The following PCDHGA9 variants were observed in gnomAD, a reference collection of about 807,000 sequenced individuals.
PCDHGA9 encodes protocadherin gamma-A9.
PCDHGA9 carries 37 observed loss-of-function variants against 62.5 expected under a neutral mutation model. The observed-to-expected ratio is 0.59, with a 90% CI of 0.46 to 0.78. PCDHGA9 has a LOEUF of 0.78. PCDHGA9 is among the 30% of genes least tolerant of loss of function. The probability of loss-of-function intolerance (pLI) is 0.00; values close to 1 mark genes in which losing one functional copy is unlikely to be tolerated. For missense variants in PCDHGA9, 1,138 were observed against 1,166.2 expected (o/e 0.98, Z 0.35); for synonymous variants, 459 against 484.6 (o/e 0.95, Z 0.69).
intron 1 of PCDHGA9, among the ~76,000 whole-genome samples, chr5:141,455,291 A>G (rs1212745731): frequency 6.6e-6 from 1 of 152,072 alleles, no homozygotes; most frequent in Non-Finnish European, 1.5e-5. Flanking sequence ...CACTTTACAT[A>G]GTTTCATCTT....
chr5:141,476,446 G>A lies in PCDHGA9; in HGVS notation c.2425-18361G>A. On this transcript the variant is annotated intron_variant, in intron 1 of 3. Transcript: ENST00000573521. This position sits in a 1 kb window ranked among gnomAD's most constrained non-coding sequence, Gnocchi z 7.6. Reference sequence around the variant, plus strand: ...CCTCTTGCACTGTAACTCTGGAGTTGGTAGTGGAGAACCCGCTGGAGCTGT... The same window carrying A: ...CCTCTTGCACTGTAACTCTGGAGTTAGTAGTGGAGAACCCGCTGGAGCTGT... 6.2e-7 allele frequency: 1 copy of A among 1,614,144 alleles called. No homozygotes were observed. Among genetic ancestry groups the A allele is most frequent in the South Asian group, 1.1e-5 (1 of 91,072 alleles).
At chr5:141,499,013 GA>G (rs2099788463) in intron 2 of PCDHGA9, among the ~76,000 whole-genome samples, 1 of 144,746 alleles carries the variant, frequency 6.9e-6, no homozygotes, top group Non-Finnish European at 1.5e-5. Context: ...AGGAAGGAAG[GA>G]AGGAAGGAAG....
At chr5:141,428,358 G>A in intron 1 of PCDHGA9, 2 of 565,492 alleles carry the variant, frequency 3.5e-6, no homozygotes, top group South Asian at 1.9e-5. Context: ...TGATTTTGGC[G>A]GTCGCCTTGC....
chr5:141,423,330 C>T (rs932335651), intron 1 of PCDHGA9: 2 of 1,614,174 alleles, frequency 1.2e-6, no homozygotes, highest in Non-Finnish European at 1.7e-6. Flanking sequence ...TGGCCGCAGT[C>T]TCCTGCATCT....
intron 1 of PCDHGA9, chr5:141,426,793 A>G: frequency 2.2e-6 from 1 of 456,734 alleles, no homozygotes; most frequent in South Asian, 1.5e-5. Context: ...CAGAGTTACC[A>G]GCTCAGTTCT....
At position 141,477,272 on chromosome 5, in the gene PCDHGA9, C is replaced by G. The variant is rs2099408579; in HGVS notation, c.2425-17535C>G. The G allele has an allele frequency of 1.2e-6, 2 of 1,614,090 alleles. No homozygotes were observed. The highest frequency in any genetic ancestry group is 1.7e-6 in the Non-Finnish European group (2 of 1,180,048). Reference sequence around the variant, plus strand: ...TGACCTGGATGCTGGCGAGAACGGGCTGGTGACCTGCGAAGTTCCACCGGG... The same window carrying G: ...TGACCTGGATGCTGGCGAGAACGGGGTGGTGACCTGCGAAGTTCCACCGGG... On this transcript the variant is annotated intron_variant, in intron 1 of 3. Coordinates refer to ENST00000573521, the MANE Select transcript of PCDHGA9 (RefSeq NM_018921.3). This position sits in a 1 kb window ranked among gnomAD's most constrained non-coding sequence, Gnocchi z 4.9.
Position 141,491,834 on chromosome 5 carries a change from CG to C in PCDHGA9, c.2425-2970del. On this transcript the variant is annotated intron_variant, in intron 1 of 3. Transcript: ENST00000573521. This position sits in a 1 kb window ranked among gnomAD's most constrained non-coding sequence, Gnocchi z 6.9. ...CGCTGGCTGCGCTCCACCCGATTCT[CG>C]GGATCATTGGACCGTTTGCGCGAAA... 1 of 1,473,830 alleles carries C rather than the reference CG, an allele frequency of 6.8e-7. No homozygotes were observed. Among genetic ancestry groups the C allele is most frequent in the Middle Eastern group, 1.8e-4 (1 of 5,590 alleles). The allele number at this position is 1,473,830 out of a possible 1,614,324, so 91.3% of individuals were successfully genotyped here.
At chr5:141,499,966 G>A (rs1403177792) in intron 2 of PCDHGA9, among the ~76,000 whole-genome samples, 1 of 151,988 alleles carries the variant, frequency 6.6e-6, no homozygotes, top group African/African-American at 2.4e-5. Flanking sequence ...GGGATTACAG[G>A]TGTGAGCCAC....
intron 1 of PCDHGA9, among the ~76,000 whole-genome samples, chr5:141,459,494 G>C (rs1454297107): frequency 2.0e-5 from 3 of 152,200 alleles, no homozygotes; most frequent in African/African-American, 7.2e-5. Context: ...CTGAATTAAA[G>C]TGATGTGAAC....
intron 2 of PCDHGA9, among the ~76,000 whole-genome samples, chr5:141,502,719 C>G (rs1242423173): frequency 1.3e-5 from 2 of 152,190 alleles, no homozygotes; most frequent in Non-Finnish European, 2.9e-5. Flanking sequence ...TCAGTGATTA[C>G]AAAGCGGTGA....
At chr5:141,483,761 GA>G (rs1376816525) in intron 1 of PCDHGA9, among the ~76,000 whole-genome samples, 1 of 152,118 alleles carries the variant, frequency 6.6e-6, no homozygotes, top group African/African-American at 2.4e-5. Flanking sequence ...TCGAGGCTTG[GA>G]AAAATATTGG....
chr5:141,471,790 C>T (rs1465283136), intron 1 of PCDHGA9, among the ~76,000 whole-genome samples: 1 of 152,068 alleles, frequency 6.6e-6, no homozygotes, highest in Non-Finnish European at 1.5e-5. Context: ...TATGCTATGT[C>T]ATATAAAAGA....
At chr5:141,464,024 G>A (rs2099074308) in intron 1 of PCDHGA9, among the ~76,000 whole-genome samples, 1 of 151,996 alleles carries the variant, frequency 6.6e-6, no homozygotes, top group East Asian at 1.9e-4. Context: ...CCACACTTTG[G>A]GAGGCCAAGG....
At position 141,489,063 on chromosome 5, in the gene PCDHGA9, C is replaced by A; in HGVS notation, c.2425-5744C>A. ...CTCCACTCAAATTCAGCTCCCCTCC[C>A]CCCTGCCCACCCCCGCCACTCGGTG... On this transcript the variant is annotated intron_variant, in intron 1 of 3. Coordinates refer to ENST00000573521, the MANE Select transcript of PCDHGA9 (RefSeq NM_018921.3). This position sits in a 1 kb window ranked among gnomAD's most constrained non-coding sequence, Gnocchi z 4.5. 2.6e-6 allele frequency: 1 copy of A among 384,986 alleles called. No individual in the cohort carries two copies. Among genetic ancestry groups the A allele is most frequent in the East Asian group, 4.5e-5 (1 of 22,374 alleles). 23.8% of individuals were successfully genotyped at this position (384,986 alleles called of 1,614,324 possible). A position where few individuals can be genotyped will look rare whatever the true frequency, so the allele number is the denominator to read the frequency against.
intron 1 of PCDHGA9, chr5:141,441,470 C>G (rs1170727138): frequency 5.9e-6 from 1 of 168,868 alleles, no homozygotes; most frequent in East Asian, 1.9e-4. Context: ...ATTGGCGATG[C>G]CAACGACAAT....
intron 1 of PCDHGA9, among the ~76,000 whole-genome samples, chr5:141,454,795 A>G (rs79012896): frequency 9.1e-6 from 1 of 110,272 alleles, no homozygotes; most frequent in South Asian, 3.0e-4. Flanking sequence ...CCATGGTTCT[A>G]ATTTTTTTTT....
intron 1 of PCDHGA9, among the ~76,000 whole-genome samples, chr5:141,481,148 C>G (rs2099532606): frequency 6.6e-6 from 1 of 152,176 alleles, no homozygotes; most frequent in Non-Finnish European, 1.5e-5. Context: ...AAGTGTTATT[C>G]TGGTATTTGC....
chr5:141,437,762 A>G (rs1286042187), intron 1 of PCDHGA9, among the ~76,000 whole-genome samples: 1 of 149,476 alleles, frequency 6.7e-6, no homozygotes, highest in African/African-American at 2.5e-5. Context: ...TTTTTGAGAC[A>G]GAGTCTCAAT....
intron 1 of PCDHGA9, chr5:141,422,204 GAGGTCTCTTTACCA>G: frequency 6.4e-7 from 1 of 1,562,138 alleles, no homozygotes. Flanking sequence ...CAAGATGGTG[GAGGTCTCTTTACCA>G]CCACGACGAT....
Sources: allele counts gnomAD v4.1 joint callset (sites outside exome capture counted in the v4.1 genomes callset), GRCh38; gene constraint gnomAD v4.1.1; non-coding constraint Gnocchi (gnomAD v3.1); transcripts MANE v1.5; gene names NCBI Gene and HGNC (gene_info 2026-07-23, HGNC 2026-07-21).